Variants in CHRM3 observed in about 807,000 individuals in gnomAD.
CHRM3 encodes the protein cholinergic receptor muscarinic 3.
A neutral mutation model predicts 41.8 loss-of-function variants in CHRM3; 11 were observed. The observed-to-expected ratio is 0.26, with a 90% CI of 0.17 to 0.44. The LOEUF is 0.44. Among genes scored for constraint, CHRM3 ranks in the 20% least tolerant of loss-of-function variants. The probability of loss-of-function intolerance (pLI) is 1.00; values close to 1 mark genes in which losing one functional copy is unlikely to be tolerated. For missense variants in CHRM3, 571 were observed against 745.4 expected (o/e 0.77, Z 2.72); for synonymous variants, 297 against 301.4 (o/e 0.99, Z 0.15).
chr1:239,698,821 G>T (rs534956317), intron 5 of CHRM3, among the ~76,000 whole-genome samples: 1 of 152,136 alleles, frequency 6.6e-6, no homozygotes, highest in East Asian at 1.9e-4. Context: ...ACCAGGATCT[G>T]CATTGTCTGT....
intron 3 of CHRM3, among the ~76,000 whole-genome samples, chr1:239,588,221 G>C (rs548401752): frequency 1.3e-5 from 2 of 152,302 alleles, no homozygotes; most frequent in African/African-American, 4.8e-5. Context: ...GACGAGTCTA[G>C]GGACAGTATT....
intron 3 of CHRM3, among the ~76,000 whole-genome samples, chr1:239,610,061 CGGGTG>C (rs1666823267): frequency 6.6e-6 from 1 of 151,530 alleles, no homozygotes. Context: ...GGTGTGGTGG[CGGGTG>C]CCTGTAGTCC....
chr1:239,523,731 A>G (rs936959101), intron 2 of CHRM3, among the ~76,000 whole-genome samples: 1 of 152,190 alleles, frequency 6.6e-6, no homozygotes, highest in Non-Finnish European at 1.5e-5. Context: ...TTGTTGGAAC[A>G]TACGTGTCAG....
intron 5 of CHRM3, chr1:239,718,797 T>G (rs925473727): frequency 6.6e-6 from 1 of 151,946 alleles, no homozygotes; most frequent in Non-Finnish European, 1.5e-5. Flanking sequence ...AAATTACAGA[T>G]CCTCATGAGC....
intron 3 of CHRM3, among the ~76,000 whole-genome samples, chr1:239,611,633 A>C (rs370952517): frequency 9.9e-4 from 150 of 152,026 alleles, no homozygotes; most frequent in East Asian, 1.8e-3. Context: ...GTTGGCCAGG[A>C]TGGTCTTGAT....
intron 1 of CHRM3, among the ~76,000 whole-genome samples, chr1:239,404,719 A>AATATATATATATATAT (rs67746016): frequency 3.2e-4 from 31 of 97,346 alleles, no homozygotes; most frequent in South Asian, 4.2e-4. Flanking sequence ...GCTATATCTA[A>AATATATATATATATAT]ATATATATAT....
At chr1:239,555,354 A>G (rs1660252618) in intron 3 of CHRM3, among the ~76,000 whole-genome samples, 1 of 152,192 alleles carries the variant, frequency 6.6e-6, no homozygotes, top group Admixed American at 6.5e-5. Flanking sequence ...TGGTTGTGGA[A>G]CTACAGTCAT....
At chr1:239,699,988 A>C (rs773990784) in intron 5 of CHRM3, among the ~76,000 whole-genome samples, 3 of 152,126 alleles carry the variant, frequency 2.0e-5, no homozygotes, top group African/African-American at 7.2e-5. Context: ...TTTTCATTCT[A>C]TTCAGCAGGA....
chr1:239,441,983 T>C (rs2103257717), intron 1 of CHRM3, among the ~76,000 whole-genome samples: 2 of 152,314 alleles, frequency 1.3e-5, no homozygotes, highest in South Asian at 4.1e-4. Flanking sequence ...TTCAGTATTA[T>C]TTGATTTTCA....
chr1:239,544,054 G>A (rs1659049750), intron 2 of CHRM3, among the ~76,000 whole-genome samples: 1 of 152,140 alleles, frequency 6.6e-6, no homozygotes, highest in Non-Finnish European at 1.5e-5. Context: ...ACCATTCTTA[G>A]CTCACAGGCT....
At chr1:239,410,199 A>AT (rs201270252) in intron 1 of CHRM3, among the ~76,000 whole-genome samples, 1,662 of 152,168 alleles carry the variant, frequency 0.011, 26 homozygotes, top group African/African-American at 0.038. Context: ...ATTCTTCTAA[A>AT]TTTTTATCAA....
At chr1:239,822,531 A>G (rs1252551619) in intron 5 of CHRM3, among the ~76,000 whole-genome samples, 1 of 152,028 alleles carries the variant, frequency 6.6e-6, no homozygotes, top group African/African-American at 2.4e-5. Context: ...AACCAAATCA[A>G]TACTACTTCA....
intron 6 of CHRM3, among the ~76,000 whole-genome samples, chr1:239,878,544 C>T (rs956456742): frequency 1.3e-5 from 2 of 151,946 alleles, no homozygotes; most frequent in Non-Finnish European, 2.9e-5. Context: ...ATGTCTGTGG[C>T]CTGCATCTTG....
intron 1 of CHRM3, among the ~76,000 whole-genome samples, chr1:239,468,415 TTAAAGTA>T (rs1412086023): frequency 6.6e-6 from 1 of 152,252 alleles, no homozygotes; most frequent in African/African-American, 2.4e-5. Flanking sequence ...TGTACTTATT[TTAAAGTA>T]TAATTTTTCT....
intron 2 of CHRM3, among the ~76,000 whole-genome samples, chr1:239,539,393 G>A (rs1001684430): frequency 2.0e-5 from 3 of 152,170 alleles, no homozygotes; most frequent in African/African-American, 7.2e-5. Context: ...AGTGGGGTTA[G>A]CCTTCCACAG....
At chr1:239,605,235 C>T (rs1666108263) in intron 3 of CHRM3, among the ~76,000 whole-genome samples, 2 of 152,136 alleles carry the variant, frequency 1.3e-5, no homozygotes, top group African/African-American at 4.8e-5. Flanking sequence ...CAATGAGGGA[C>T]AGTGCATGTA....
chr1:239,439,698 T>A (rs540063622), intron 1 of CHRM3, among the ~76,000 whole-genome samples: 24 of 152,336 alleles, frequency 1.6e-4, no homozygotes, highest in African/African-American at 5.1e-4. Context: ...TGTTGGTTGA[T>A]CATGATCTAT....
intron 5 of CHRM3, chr1:239,703,169 C>A (rs1027986895): frequency 6.6e-6 from 1 of 152,146 alleles, no homozygotes; most frequent in African/African-American, 2.4e-5. Flanking sequence ...AATTATCTTA[C>A]AAGTTCACAT....
At chr1:239,572,530 T>A (rs1019440333) in intron 3 of CHRM3, among the ~76,000 whole-genome samples, 7 of 152,194 alleles carry the variant, frequency 4.6e-5, no homozygotes, top group Non-Finnish European at 7.3e-5. Context: ...CTAATGTCCA[T>A]CACAACTAAT....
Sources: gnomAD v4.1 joint callset for allele counts (sites outside exome capture counted in the v4.1 genomes callset) on GRCh38, gnomAD v4.1.1 for gene constraint, MANE v1.5 for transcripts, NCBI Gene and HGNC (gene_info 2026-07-23, HGNC 2026-07-21) for gene names.